Variants in VDAC1 observed in about 807,000 individuals in gnomAD.
The protein encoded by VDAC1 is voltage dependent anion channel 1.
Under a neutral mutation model 34.7 loss-of-function variants are expected in VDAC1, and 10 were observed. The observed-to-expected ratio is 0.29, with a 90% CI of 0.18 to 0.49. VDAC1 has a LOEUF of 0.49. Ranked by LOEUF, VDAC1 falls within the 20% of genes least tolerant of loss-of-function variation. VDAC1 has a pLI of 0.99. For synonymous variants in VDAC1, 130 were observed against 136.0 expected (o/e 0.96, Z 0.30); for missense variants, 230 against 347.9 (o/e 0.66, Z 2.69).
intron 5 of VDAC1, among the ~76,000 whole-genome samples, chr5:133,984,784 A>G (rs1335807388): frequency 6.6e-6 from 1 of 152,016 alleles, no homozygotes; most frequent in Non-Finnish European, 1.5e-5. Flanking sequence ...AAAAATACAA[A>G]AATTAGCTGG....
At chr5:134,056,139 G>T in the VDAC1 span, among the ~76,000 whole-genome samples, 1 of 151,624 alleles carries the variant, frequency 6.6e-6, no homozygotes, top group Non-Finnish European at 1.5e-5. Flanking sequence ...TACTCGGGAG[G>T]CTGAGGCAGG....
the VDAC1 span, among the ~76,000 whole-genome samples, chr5:134,040,336 G>C: frequency 6.6e-6 from 1 of 152,194 alleles, no homozygotes; most frequent in Admixed American, 6.5e-5. Context: ...CAGCACTTTG[G>C]GAAGCCGAGG....
chr5:134,103,314 G>T, the VDAC1 span, among the ~76,000 whole-genome samples: 3 of 152,148 alleles, frequency 2.0e-5, no homozygotes, highest in Admixed American at 1.3e-4. Flanking sequence ...TAGAGATGGG[G>T]TTTTGCCATG....
the VDAC1 span, among the ~76,000 whole-genome samples, chr5:134,089,792 C>T: frequency 6.6e-6 from 1 of 152,092 alleles, no homozygotes; most frequent in African/African-American, 2.4e-5. Flanking sequence ...GAGTTCGAGA[C>T]CAGCCTGGCC....
the VDAC1 span, among the ~76,000 whole-genome samples, chr5:134,098,346 C>T: frequency 6.9e-6 from 1 of 144,932 alleles, no homozygotes; most frequent in Non-Finnish European, 1.5e-5. Context: ...TACAGGCACC[C>T]ACCACCATGC....
the VDAC1 span, among the ~76,000 whole-genome samples, chr5:134,023,992 A>G: frequency 2.0e-5 from 3 of 151,566 alleles, no homozygotes; most frequent in Non-Finnish European, 1.5e-5. Flanking sequence ...AAAAAAAAAA[A>G]AATTAGCCAG....
the VDAC1 span, among the ~76,000 whole-genome samples, chr5:134,029,341 C>G: frequency 6.6e-6 from 1 of 152,222 alleles, no homozygotes; most frequent in Admixed American, 6.5e-5. Flanking sequence ...AAAGGTTGAT[C>G]ATTGTTTTAA....
the VDAC1 span, among the ~76,000 whole-genome samples, chr5:134,103,737 T>C: frequency 6.6e-6 from 1 of 152,160 alleles, no homozygotes; most frequent in Admixed American, 6.5e-5. Flanking sequence ...TAAAACGAAA[T>C]GTTTACCAGC....
chr5:133,999,122 G>C (rs140673062), intron 1 of VDAC1, among the ~76,000 whole-genome samples: 1 of 152,300 alleles, frequency 6.6e-6, no homozygotes, highest in South Asian at 2.1e-4. Context: ...ACCAGCCTGG[G>C]CAATACAGTG....
the VDAC1 span, among the ~76,000 whole-genome samples, chr5:134,074,997 C>T: frequency 1.1e-3 from 165 of 152,262 alleles, no homozygotes; most frequent in Non-Finnish European, 2.0e-3. Context: ...AGTGGTACAG[C>T]TCGTCCAGCC....
At chr5:134,075,886 T>A in the VDAC1 span, among the ~76,000 whole-genome samples, 78,029 of 151,960 alleles carry the variant, frequency 0.51, 20,294 homozygotes, top group Middle Eastern at 0.56. Context: ...TGCCCGGCCC[T>A]TGCTACCATT....
the VDAC1 span, among the ~76,000 whole-genome samples, chr5:134,051,305 T>C: frequency 6.6e-6 from 1 of 152,242 alleles, no homozygotes; most frequent in Non-Finnish European, 1.5e-5. Flanking sequence ...CCACAGCAGC[T>C]CTGGCAGCAC....
chr5:134,045,940 C>T, the VDAC1 span, among the ~76,000 whole-genome samples: 1 of 152,032 alleles, frequency 6.6e-6, no homozygotes, highest in South Asian at 2.1e-4. Flanking sequence ...CCACCTCAGC[C>T]TCCCAAAGTG....
the VDAC1 span, among the ~76,000 whole-genome samples, chr5:134,012,404 T>C: frequency 6.6e-6 from 1 of 152,180 alleles, no homozygotes; most frequent in East Asian, 1.9e-4. Flanking sequence ...ATTCTAGAAA[T>C]GATTTATTAG....
chr5:134,028,579 G>A, the VDAC1 span, among the ~76,000 whole-genome samples: 1 of 152,094 alleles, frequency 6.6e-6, no homozygotes, highest in Admixed American at 6.5e-5. Context: ...TCTGTGGGAG[G>A]GAACATCCAG....
At chr5:133,998,407 G>A (rs1322395000) in intron 1 of VDAC1, among the ~76,000 whole-genome samples, 1 of 151,902 alleles carries the variant, frequency 6.6e-6, no homozygotes, top group Non-Finnish European at 1.5e-5. Flanking sequence ...GTGGTGGTAA[G>A]TGCCTGTAAT....
At chr5:134,057,282 C>A in the VDAC1 span, among the ~76,000 whole-genome samples, 1 of 152,040 alleles carries the variant, frequency 6.6e-6, no homozygotes, top group East Asian at 1.9e-4. Flanking sequence ...GAGTTGGAGA[C>A]CAGCCTGGCC....
chr5:134,101,629 C>T, the VDAC1 span, among the ~76,000 whole-genome samples: 2 of 152,108 alleles, frequency 1.3e-5, no homozygotes, highest in East Asian at 3.9e-4. Context: ...GGAGGTAATC[C>T]GTAAATGTGA....
At chr5:134,045,664 C>T in the VDAC1 span, among the ~76,000 whole-genome samples, 1 of 151,922 alleles carries the variant, frequency 6.6e-6, no homozygotes, top group Admixed American at 6.6e-5. Context: ...GATGGTATCC[C>T]CATCCCAAGA....
Sources: gnomAD v4.1 joint callset for allele counts (sites outside exome capture counted in the v4.1 genomes callset) on GRCh38, gnomAD v4.1.1 for gene constraint, MANE v1.5 for transcripts, NCBI Gene and HGNC (gene_info 2026-07-23, HGNC 2026-07-21) for gene names.